The following PCDHGA9 variants were observed in gnomAD, a reference collection of about 807,000 sequenced individuals.
PCDHGA9 encodes the protein protocadherin gamma-A9.
PCDHGA9 carries 37 observed loss-of-function variants against 62.5 expected under a neutral mutation model. The ratio of observed to expected loss-of-function variants is 0.59; its 90% CI spans 0.46 to 0.78. PCDHGA9 has a LOEUF of 0.78. Among genes scored for constraint, PCDHGA9 ranks in the 30% least tolerant of loss-of-function variants. The pLI is 0.00. For synonymous variants in PCDHGA9, 459 were observed against 484.6 expected (o/e 0.95, Z 0.69); for missense variants, 1,138 against 1,166.2 (o/e 0.98, Z 0.35).
At chr5:141,436,384 CT>C (rs768914860) in intron 1 of PCDHGA9, among the ~76,000 whole-genome samples, 1 of 152,104 alleles carries the variant, frequency 6.6e-6, no homozygotes, top group Non-Finnish European at 1.5e-5. Context: ...GCTGAATAGG[CT>C]TTATTAAATA....
rs1248191692 is a variant in PCDHGA9, at chr5:141,419,519, G to T, written c.2424+14143G>T. The T allele has an allele frequency of 1.9e-6, 3 of 1,612,180 alleles. No homozygotes were observed. Among genetic ancestry groups the T allele is most frequent in the Non-Finnish European group, 1.7e-6 (2 of 1,179,504 alleles). ...TGTGAGCCTGCGCGTGTTGGTGGGC[G>T]ACCGTAACGACAACGCACCGCGGGT... On this transcript the variant is annotated intron_variant, in intron 1 of 3. Coordinates refer to ENST00000573521, the MANE Select transcript of PCDHGA9 (RefSeq NM_018921.3).
chr5:141,467,287 A>C (rs2099140956), intron 1 of PCDHGA9, among the ~76,000 whole-genome samples: 1 of 152,082 alleles, frequency 6.6e-6, no homozygotes, highest in Admixed American at 6.6e-5. Flanking sequence ...TCTTGACCTC[A>C]AGTGATCCAC....
At chr5:141,464,816 G>A (rs11167751) in intron 1 of PCDHGA9, among the ~76,000 whole-genome samples, 42,470 of 151,904 alleles carry the variant, frequency 0.28, 6,668 homozygotes, top group African/African-American at 0.43. Context: ...ATAGCTCACT[G>A]TAGCCTCGCA....
chr5:141,480,970 A>C (rs1189003084), intron 1 of PCDHGA9, among the ~76,000 whole-genome samples: 1 of 152,120 alleles, frequency 6.6e-6, no homozygotes, highest in Non-Finnish European at 1.5e-5. Flanking sequence ...AGTGAGGGAG[A>C]ATCAGTGAAC....
intron 1 of PCDHGA9, chr5:141,421,696 A>G: frequency 6.2e-7 from 1 of 1,613,886 alleles, no homozygotes; most frequent in Non-Finnish European, 8.5e-7. Context: ...TGCTCTTCCT[A>G]ATGCTAGGGA....
intron 1 of PCDHGA9, chr5:141,422,206 G>A (rs1269700250): frequency 6.4e-7 from 1 of 1,562,324 alleles, no homozygotes; most frequent in Non-Finnish European, 8.6e-7. Flanking sequence ...AGATGGTGGA[G>A]GTCTCTTTAC....
chr5:141,476,137 G>A lies in PCDHGA9; in HGVS notation c.2425-18670G>A. The A allele has an allele frequency of 1.2e-6, 2 of 1,609,204 alleles. No homozygotes were observed. The highest frequency in any genetic ancestry group is 1.7e-6 in the Non-Finnish European group (2 of 1,178,592). On this transcript the variant is annotated intron_variant, in intron 1 of 3. Coordinates refer to ENST00000573521, the MANE Select transcript of PCDHGA9 (RefSeq NM_018921.3). The surrounding 1 kb of genome is among the most constrained non-coding windows in gnomAD (Gnocchi z 7.6). ...GTGAGATGGTCCCAGAGGCCTGGAGGAGCGGACTGGTAAGCACCGGGAGGG... is the reference window on the plus strand; with the variant it reads ...GTGAGATGGTCCCAGAGGCCTGGAGAAGCGGACTGGTAAGCACCGGGAGGG...
rs1299162270 is a variant in PCDHGA9 at position 141,413,906 on chromosome 5, C to T, written c.2424+8530C>T. ...GTCTTCGATGCAAATGACAACGCGC[C>T]GGTCTTCACCTTGCCAGAATACCGA... On this transcript the variant is annotated intron_variant, in intron 1 of 3. Transcript: ENST00000573521. The T allele has an allele frequency of 1.9e-6, 3 of 1,613,190 alleles. No homozygotes were observed. The highest frequency in any genetic ancestry group is 1.7e-6 in the Non-Finnish European group (2 of 1,179,870).
chr5:141,431,440 C>T lies in PCDHGA9; in HGVS notation c.2424+26064C>T. ...ACCCGGTGCGCACAGGCACCGCGCG[C>T]ATCCGCGTGATGGTTCTGGATGCGA... is the stretch of plus-strand genomic sequence containing the variant. On this transcript the variant is annotated intron_variant, in intron 1 of 3. Transcript: ENST00000573521. The surrounding 1 kb of genome is among the most constrained non-coding windows in gnomAD (Gnocchi z 4.8). 6.2e-7 allele frequency: 1 copy of T among 1,613,754 alleles called. No homozygotes were observed.
At chr5:141,421,825 AG>A in intron 1 of PCDHGA9, 1 of 1,613,802 alleles carries the variant, frequency 6.2e-7, no homozygotes. Flanking sequence ...ACTGGAGGGA[AG>A]CCTGGACCGA....
rs770419617 is a variant in PCDHGA9, at chr5:141,421,523, C to T, written c.2424+16147C>T. The T allele has an allele frequency of 2.5e-6, 4 of 1,614,034 alleles. No homozygotes were observed. In the Admixed American group the frequency reaches 5.0e-5, roughly 20 times the overall value. ...ATAGACCGGGAGGAGCTCTGTGAGA[C>T]GGTGTCCTCCTGTTTTTTAAATATG... On this transcript the variant is annotated intron_variant, in intron 1 of 3. Transcript: ENST00000573521.
chr5:141,433,259 T>C (rs776486704), intron 1 of PCDHGA9: 3 of 1,380,658 alleles, frequency 2.2e-6, no homozygotes, highest in Non-Finnish European at 3.0e-6. Flanking sequence ...AGCGGTACGA[T>C]CATAGCTCAC....
Position 141,476,658 on chromosome 5 carries a change from C to A in PCDHGA9, c.2425-18149C>A, listed in dbSNP as rs182518072. On this transcript the variant is annotated intron_variant, in intron 1 of 3. Transcript: ENST00000573521. The surrounding 1 kb of genome is among the most constrained non-coding windows in gnomAD (Gnocchi z 7.6). ...GAGCTGAGCCGAAATGAATACTTTGCGCTTCGCGTGCAGACGCGGGAGGAC... is the reference window on the plus strand; with the variant it reads ...GAGCTGAGCCGAAATGAATACTTTGAGCTTCGCGTGCAGACGCGGGAGGAC... 2 of 1,614,244 alleles carry A rather than the reference C, an allele frequency of 1.2e-6. No homozygotes were observed. The highest frequency in any genetic ancestry group is 2.2e-5 in the East Asian group (1 of 44,878).
Position 141,511,983 on chromosome 5 carries a change from G to C in PCDHGA9, c.*810G>C, listed in dbSNP as rs904146751. On this transcript the variant is annotated 3_prime_UTR_variant, in exon 4 of 4. Coordinates refer to ENST00000573521, the MANE Select transcript of PCDHGA9 (RefSeq NM_018921.3). ...AGGGAAGTGTGTGGATGTGGATGGT[G>C]GGGGCATGGACAAAGCTTGACACAT... 6.5e-6 allele frequency: 1 copy of C among 153,280 alleles called. No individual in the cohort carries two copies. The allele number at this position is 153,280 out of a possible 1,614,324, so 9.5% of individuals were successfully genotyped here.
chr5:141,454,675 G>A (rs973403044), intron 1 of PCDHGA9, among the ~76,000 whole-genome samples: 8 of 151,764 alleles, frequency 5.3e-5, no homozygotes, highest in Non-Finnish European at 1.0e-4. Context: ...CAAAACACTG[G>A]GATTACAGGC....
intron 2 of PCDHGA9, among the ~76,000 whole-genome samples, chr5:141,496,392 C>T (rs6879760): frequency 0.064 from 9,762 of 152,240 alleles, 510 homozygotes; most frequent in African/African-American, 0.15. Context: ...CCTTACCCTA[C>T]CTCCTCAATG....
At chr5:141,427,857 G>A (rs746661329) in intron 1 of PCDHGA9, 36 of 1,554,574 alleles carry the variant, frequency 2.3e-5, no homozygotes, top group Non-Finnish European at 2.9e-5. Context: ...GCAGCTGTGC[G>A]CCTTCGAGCT....
rs773703641 is a variant in PCDHGA9, at chr5:141,477,856, G to A, written c.2425-16951G>A. On this transcript the variant is annotated intron_variant, in intron 1 of 3. Transcript: ENST00000573521. The surrounding 1 kb of genome is among the most constrained non-coding windows in gnomAD (Gnocchi z 4.9). ...CAGGTGGGAGCTCGGTGGAGATGCT[G>A]CCTCGAGGTACCTCAGCTGGCCACC... is the stretch of plus-strand genomic sequence containing the variant. 6.2e-7 allele frequency: 1 copy of A among 1,613,592 alleles called. No homozygotes were observed. Among genetic ancestry groups the A allele is most frequent in the Admixed American group, 1.7e-5 (1 of 59,976 alleles).
At chr5:141,435,390 C>T (rs2097760754) in intron 1 of PCDHGA9, among the ~76,000 whole-genome samples, 1 of 152,052 alleles carries the variant, frequency 6.6e-6, no homozygotes, top group Non-Finnish European at 1.5e-5. Flanking sequence ...ACCGTATTGC[C>T]ATGACGAAAA....
Sources: allele counts gnomAD v4.1 joint callset (sites outside exome capture counted in the v4.1 genomes callset), GRCh38; gene constraint gnomAD v4.1.1; non-coding constraint Gnocchi (gnomAD v3.1); transcripts MANE v1.5; gene names NCBI Gene and HGNC (gene_info 2026-07-23, HGNC 2026-07-21).